The following RPS6KB2 variants were observed in gnomAD, a reference collection of about 807,000 sequenced individuals.
The protein encoded by RPS6KB2 is ribosomal protein S6 kinase B2, also known as ribosomal protein S6 kinase beta-2.
In RPS6KB2, 51 loss-of-function variants were observed where a neutral mutation model predicts 58.2. The ratio of observed to expected loss-of-function variants is 0.88; its 90% CI spans 0.70 to 1.11. The LOEUF (loss-of-function observed/expected upper bound fraction) is 1.11, where lower values mean the gene tolerates loss of function less well. Ranked by LOEUF, RPS6KB2 falls within the 50% of genes least tolerant of loss-of-function variation. The probability of loss-of-function intolerance (pLI) is 0.00; values close to 1 mark genes in which losing one functional copy is unlikely to be tolerated. For synonymous variants in RPS6KB2, 293 were observed against 258.6 expected (o/e 1.13, Z -1.28); for missense variants, 671 against 655.8 (o/e 1.02, Z -0.25).
intron 5 of RPS6KB2, chr11:67,431,836 C>A: frequency 3.1e-6 from 1 of 325,190 alleles, no homozygotes; most frequent in South Asian, 3.1e-5. Context: ...CCCGTGTGCC[C>A]TGCATCCTGT....
At position 67,432,978 on chromosome 11, in the gene RPS6KB2, C is replaced by G; in HGVS notation, c.643C>G (p.Leu215Val). Residue 215 changes from leucine to valine, a missense_variant, in exon 8 of 15, where the codon CTC becomes GTC. Leu to Val is a conservative substitution (Grantham distance 32). Transcript: ENST00000312629. ...CCACATCAAACTGACCGACTTTGGACTCTGCAAGGAGTCTATCCATGAGGG... is the reference window on the plus strand; with the variant it reads ...CCACATCAAACTGACCGACTTTGGAGTCTGCAAGGAGTCTATCCATGAGGG... ...QGHIKLTDFGLCKESIHEGAV... is the reference protein window; with the variant it reads ...QGHIKLTDFGVCKESIHEGAV... 6.2e-7 allele frequency: 1 copy of G among 1,613,434 alleles called. No homozygotes were observed. Among genetic ancestry groups the G allele is most frequent in the South Asian group, 1.1e-5 (1 of 91,090 alleles).
chr11:67,428,645 G>T, intron 1 of RPS6KB2, 22 bp downstream of exon 1: 1 of 1,594,876 alleles, frequency 6.3e-7, no homozygotes, highest in South Asian at 1.1e-5. Flanking sequence ...GCCCTGGCGC[G>T]ACTGGATCCT....
At position 67,434,522 on chromosome 11, in the gene RPS6KB2, C is replaced by T. The variant is rs527936400; in HGVS notation, c.1155+38C>T. 18 of 1,599,390 alleles carry T rather than the reference C, an allele frequency of 1.1e-5. No individual in the cohort carries two copies. In the African/African-American group the frequency reaches 1.3e-4, roughly 12 times the overall value. On this transcript the variant is annotated intron_variant, in intron 13 of 14. Transcript: ENST00000312629. ...GCCTGAGGCCTGTGGGACCAGGGCA[C>T]GGATCGTGACTAAGGATGGCAGGCA... is the stretch of plus-strand genomic sequence containing the variant.
intron 4 of RPS6KB2, 23 bp downstream of exon 4, chr11:67,429,618 G>A (rs1863960077): frequency 4.4e-6 from 7 of 1,578,406 alleles, no homozygotes; most frequent in African/African-American, 1.3e-5. Context: ...TTCAGCCAAC[G>A]AATACTGTGT....
rs756969956 is a variant in RPS6KB2, at chr11:67,433,387, CA to C, written c.847del (p.Arg283GlyfsTer22). On this transcript the variant is annotated frameshift_variant, in exon 10 of 15. Coordinates refer to ENST00000312629, the MANE Select transcript of RPS6KB2 (RefSeq NM_003952.3). LOFTEE classifies it high-confidence loss of function. ...GGAAGAAAACCATGGATAAGATCAT[CA>C]GGGGCAAGCTGGCACTGCCCCCCTA... Reference protein sequence around the residue: ...NRKKTMDKIIRGKLALPPYLT... With the variant: ...NRKKTMDKIIXGKLALPPYLT... 1 of 1,614,018 alleles carries C rather than the reference CA, an allele frequency of 6.2e-7. No homozygotes were observed.
chr11:67,431,548 G>C (rs764183204), intron 5 of RPS6KB2, 33 bp downstream of exon 5: 2 of 1,604,844 alleles, frequency 1.2e-6, no homozygotes, highest in South Asian at 2.2e-5. Flanking sequence ...GGGTGCTGGG[G>C]GTCGCGGGGG....
At position 67,428,522 on chromosome 11, in the gene RPS6KB2, C is replaced by T. The variant is rs778997752; in HGVS notation, c.-24C>T. ...CAGTGCGCGGCCAGGTACGGGCCGA[C>T]GGGCCCGCGGGGCCGGCGCCGCCAT... On this transcript the variant is annotated 5_prime_UTR_variant, in exon 1 of 15. It adds an upstream start codon to the 5' untranslated region. Coordinates refer to ENST00000312629, the MANE Select transcript of RPS6KB2 (RefSeq NM_003952.3). 40 of 1,592,944 alleles carry T rather than the reference C, an allele frequency of 2.5e-5. No homozygotes were observed. Among genetic ancestry groups the T allele is most frequent in the South Asian group, 1.9e-4 (17 of 89,246 alleles).
chr11:67,433,066 G>A (rs1308435355), intron 8 of RPS6KB2, 24 bp downstream of exon 8: 1 of 1,612,734 alleles, frequency 6.2e-7, no homozygotes, highest in South Asian at 1.1e-5. Flanking sequence ...GGCTGGCCCA[G>A]GGGTCGGGAG....
Position 67,434,282 on chromosome 11 carries a change from A to C in RPS6KB2, c.1047+7A>C. 1 of 1,613,118 alleles carries C rather than the reference A, an allele frequency of 6.2e-7. No individual in the cohort carries two copies. Among genetic ancestry groups the C allele is most frequent in the Non-Finnish European group, 8.5e-7 (1 of 1,179,858 alleles). ...CCCTTTCAGGCCCTGTCTGGTGAGC[A>C]GCAGGGCTGGTGGCCAGTGGCCGGT... On this transcript the variant is annotated splice_region_variant and intron_variant, in intron 12 of 14. Coordinates refer to ENST00000312629, the MANE Select transcript of RPS6KB2 (RefSeq NM_003952.3).
At position 67,429,223 on chromosome 11, in the gene RPS6KB2, A is replaced by T; in HGVS notation, c.223A>T (p.Lys75Ter). The change falls in exon 3 of 15, where the codon AAG becomes TAG. Residue 75 changes from lysine (K) to a stop codon, truncating the protein, a stop_gained. Coordinates refer to ENST00000312629, the MANE Select transcript of RPS6KB2 (RefSeq NM_003952.3). LOFTEE classifies it high-confidence loss of function. ...HCFELLRVLG[K>*]GGYGKVFQVR... ...CTTTGAGCTGCTGCGTGTGCTGGGC[A>T]AGGGGGGCTATGGCAAGGTAGGGGC... The T allele has an allele frequency of 6.2e-7, 1 of 1,613,430 alleles. No individual in the cohort carries two copies. Among genetic ancestry groups the T allele is most frequent in the Non-Finnish European group, 8.5e-7 (1 of 1,180,010 alleles).
Position 67,433,000 on chromosome 11 carries a change from A to C in RPS6KB2, c.665A>C (p.Glu222Ala). The change falls in exon 8 of 15, where the codon GAG (glutamate) becomes GCG (alanine). Residue 222 changes from glutamate (E) to alanine (A), a missense_variant. Glu to Ala is a moderately radical substitution (Grantham distance 107, BLOSUM62 -1). Transcript: ENST00000312629. ...GGACTCTGCAAGGAGTCTATCCATG[A>C]GGGCGCCGTCACTCACACCTTCTGC... The part of the protein sequence containing the change: ...DFGLCKESIH[E>A]GAVTHTFCGT... 3 of 1,613,430 alleles carry C rather than the reference A, an allele frequency of 1.9e-6. No homozygotes were observed. Among genetic ancestry groups the C allele is most frequent in the Non-Finnish European group, 2.5e-6 (3 of 1,180,026 alleles).
intron 4 of RPS6KB2, chr11:67,429,852 C>T: frequency 5.2e-6 from 2 of 385,718 alleles, no homozygotes; most frequent in South Asian, 5.8e-5. Flanking sequence ...CTTGCTCTGT[C>T]ACCCAGGCTG....
chr11:67,433,363 G>T lies in RPS6KB2; in HGVS notation c.822G>T (p.Arg274=). 1 of 1,613,922 alleles carries T rather than the reference G, an allele frequency of 6.2e-7. No homozygotes were observed. The highest frequency in any genetic ancestry group is 1.7e-5 in the Admixed American group (1 of 60,026). The change falls in exon 10 of 15, where the codon CGG becomes CGT. Residue 274 remains arginine (R), a synonymous_variant. Coordinates refer to ENST00000312629, the MANE Select transcript of RPS6KB2 (RefSeq NM_003952.3). ...TGSPPFTAEN[R]KKTMDKIIRG... ...AGCCGCCCTTCACCGCAGAGAACCG[G>T]AAGAAAACCATGGATAAGATCATCA...
In RPS6KB2 at chr11:67,431,502, T is replaced by C; in HGVS notation, c.444T>C (p.Leu148=). The C allele has an allele frequency of 6.2e-7, 1 of 1,613,852 alleles. No homozygotes were observed. Among genetic ancestry groups the C allele is most frequent in the Non-Finnish European group, 8.5e-7 (1 of 1,179,938 alleles). The change falls in exon 5 of 15, where the codon CTT becomes CTC. Residue 148 remains leucine (L), a synonymous_variant. Coordinates refer to ENST00000312629, the MANE Select transcript of RPS6KB2 (RefSeq NM_003952.3). ...CTGGTGGCAAACTCTACCTCATCCT[T>C]GAGTGCCTCAGTGGTATGAGTGCGG... The part of the protein sequence containing the change: ...FQTGGKLYLI[L]ECLSGGELFT...
Position 67,434,442 on chromosome 11 carries a change from T to G in RPS6KB2, c.1113T>G (p.Pro371=). ...RFTRQTPVDS[P]DDTALSESAN... ...CACGGCAGACGCCGGTGGACAGTCCTGATGACACAGCCCTCAGCGAGAGTG... is the reference window on the plus strand; with the variant it reads ...CACGGCAGACGCCGGTGGACAGTCCGGATGACACAGCCCTCAGCGAGAGTG... Residue 371 remains proline (P), a synonymous_variant, in exon 13 of 15, where the codon CCT becomes CCG. Coordinates refer to ENST00000312629, the MANE Select transcript of RPS6KB2 (RefSeq NM_003952.3). 6.2e-7 allele frequency: 1 copy of G among 1,613,018 alleles called. No homozygotes were observed. The highest frequency in any genetic ancestry group is 8.5e-7 in the Non-Finnish European group (1 of 1,179,998).
intron 1 of RPS6KB2, 110 bp downstream of exon 1, chr11:67,428,733 C>G (rs1247755494): frequency 2.8e-6 from 3 of 1,070,118 alleles, no homozygotes; most frequent in East Asian, 5.2e-5. Context: ...CTTTGCAGAC[C>G]CAGATCCTTC....
At position 67,429,035 on chromosome 11, in the gene RPS6KB2, C is replaced by T. The variant is rs1225678228; in HGVS notation, c.119+13C>T. ...CAGCTGGCCTAGAGTGAGTGAGGGT[C>T]GTGTTGGGGGAGGGGGGAATGGAGT... On this transcript the variant is annotated intron_variant, in intron 2 of 14. Coordinates refer to ENST00000312629, the MANE Select transcript of RPS6KB2 (RefSeq NM_003952.3). 5 of 1,594,912 alleles carry T rather than the reference C, an allele frequency of 3.1e-6. No individual in the cohort carries two copies. In the South Asian group the frequency reaches 5.5e-5, roughly 18 times the overall value.
In RPS6KB2 at chr11:67,429,615, A is replaced by C; in HGVS notation, c.309+20A>C. The C allele has an allele frequency of 6.3e-7, 1 of 1,589,130 alleles. No individual in the cohort carries two copies. Among genetic ancestry groups the C allele is most frequent in the Non-Finnish European group, 8.6e-7 (1 of 1,163,576 alleles). On this transcript the variant is annotated intron_variant, in intron 4 of 14. Coordinates refer to ENST00000312629, the MANE Select transcript of RPS6KB2 (RefSeq NM_003952.3). Reference sequence around the variant, plus strand: ...AGGAAGGTGAGTCACTCGTTCAGCCAACGAATACTGTGTGGCTGCCATTCC... The same window carrying C: ...AGGAAGGTGAGTCACTCGTTCAGCCCACGAATACTGTGTGGCTGCCATTCC...
chr11:67,435,395 A>C lies in RPS6KB2; in HGVS notation c.*226A>C. 1.6e-6 allele frequency: 1 copy of C among 613,892 alleles called. No individual in the cohort carries two copies. Among genetic ancestry groups the C allele is most frequent in the Non-Finnish European group, 2.8e-6 (1 of 356,492 alleles). The allele number at this position is 613,892 out of a possible 1,614,324, so 38.0% of individuals were successfully genotyped here. On this transcript the variant is annotated 3_prime_UTR_variant, in exon 15 of 15. Coordinates refer to ENST00000312629, the MANE Select transcript of RPS6KB2 (RefSeq NM_003952.3). ...GCTCCCGTGGAAGATTAAAGGGCTG[A>C]ATCATGGTGCTGACCTGGCTCTTTG...
Sources: allele counts gnomAD v4.1 joint callset, GRCh38; gene constraint gnomAD v4.1.1; transcripts MANE v1.5; gene names NCBI Gene and HGNC (gene_info 2026-07-23, HGNC 2026-07-21).